NCALD: variants seen among roughly 807,000 people sequenced by gnomAD.
The protein encoded by NCALD is neurocalcin delta, also known as neurocalcin-delta.
In NCALD, 10 loss-of-function variants were observed where a neutral mutation model predicts 18.6. That is an observed-to-expected ratio of 0.54 (90% CI 0.33 to 0.91). The LOEUF (loss-of-function observed/expected upper bound fraction) is 0.91, where lower values mean the gene tolerates loss of function less well. Among genes scored for constraint, NCALD ranks in the 40% least tolerant of loss-of-function variants. NCALD has a pLI of 0.03. For synonymous variants in NCALD, 88 were observed against 87.4 expected, an observed-to-expected ratio of 1.01 and a Z score of -0.04; for missense variants, 184 against 247.6, an observed-to-expected ratio of 0.74 and a Z score of 1.72.
intron 4 of NCALD, among the ~76,000 whole-genome samples, chr8:101,837,978 AC>A (rs1377760286): frequency 6.6e-6 from 1 of 152,114 alleles, no homozygotes; most frequent in Non-Finnish European, 1.5e-5. Context: ...TATCTTATAT[AC>A]CCCTACTCCC....
intron 1 of NCALD, among the ~76,000 whole-genome samples, chr8:102,057,981 C>T (rs1823713736): frequency 6.6e-6 from 1 of 152,142 alleles, no homozygotes. Flanking sequence ...AGAAAGTATT[C>T]AATAAATATC....
upstream of NCALD, among the ~76,000 whole-genome samples, chr8:101,791,289 C>T (rs1398393070): frequency 1.3e-5 from 2 of 152,006 alleles, no homozygotes; most frequent in African/African-American, 4.8e-5. Flanking sequence ...TATATGCCAC[C>T]CTGAAGTTCT....
chr8:101,896,174 T>C (rs1010170111), intron 3 of NCALD, among the ~76,000 whole-genome samples: 2 of 151,598 alleles, frequency 1.3e-5, no homozygotes, highest in Non-Finnish European at 2.9e-5. Context: ...GAGATATAGA[T>C]CAATGGAACA....
intron 3 of NCALD, 88 bp downstream of exon 3, chr8:101,692,703 G>C: frequency 6.9e-7 from 1 of 1,444,680 alleles, no homozygotes; most frequent in Non-Finnish European, 9.5e-7. Flanking sequence ...TCACATTGAA[G>C]GGCCTCGAGT....
chr8:102,100,422 T>C (rs1268493244), intron 1 of NCALD, among the ~76,000 whole-genome samples: 1 of 152,214 alleles, frequency 6.6e-6, no homozygotes, highest in Non-Finnish European at 1.5e-5. Context: ...TGAGATGTCT[T>C]TTTCAATGTT....
chr8:101,883,384 A>G (rs1586688488), intron 4 of NCALD, among the ~76,000 whole-genome samples: 1 of 152,208 alleles, frequency 6.6e-6, no homozygotes, highest in East Asian at 1.9e-4. Context: ...TAGACTCTGA[A>G]ATGCTCTTCC....
chr8:102,014,297 C>A (rs188172124), intron 2 of NCALD, among the ~76,000 whole-genome samples: 62 of 152,270 alleles, frequency 4.1e-4, no homozygotes, highest in African/African-American at 1.4e-3. Flanking sequence ...CCTGCTATGT[C>A]CTCACATGAT....
At chr8:101,847,426 G>A in intron 4 of NCALD, 1 of 170,794 alleles carries the variant, frequency 5.9e-6, no homozygotes, top group Non-Finnish European at 1.3e-5. Flanking sequence ...CTTCCATCTT[G>A]AGACAACAGT....
At chr8:101,770,718 C>A (rs1349472589) in intron 1 of NCALD, among the ~76,000 whole-genome samples, 1 of 152,340 alleles carries the variant, frequency 6.6e-6, no homozygotes, top group African/African-American at 2.4e-5. Flanking sequence ...AGGGCAGAGA[C>A]AGCCACAGTC....
chr8:101,764,048 A>G (rs1462160977), intron 1 of NCALD, among the ~76,000 whole-genome samples: 1 of 151,544 alleles, frequency 6.6e-6, no homozygotes. Context: ...GAGAACCTTA[A>G]ATAATGCACT....
chr8:101,973,415 G>C (rs564517118), intron 2 of NCALD, among the ~76,000 whole-genome samples: 1 of 152,128 alleles, frequency 6.6e-6, no homozygotes, highest in Non-Finnish European at 1.5e-5. Flanking sequence ...GAGGTTAGGG[G>C]TTTGAATGAA....
chr8:102,092,675 T>G (rs1024672391), intron 1 of NCALD, among the ~76,000 whole-genome samples: 1 of 152,218 alleles, frequency 6.6e-6, no homozygotes, highest in African/African-American at 2.4e-5. Flanking sequence ...CTTCCCTTTG[T>G]ACTATTCCTT....
intron 1 of NCALD, among the ~76,000 whole-genome samples, chr8:101,724,131 T>G (rs1816475983): frequency 1.3e-5 from 2 of 152,252 alleles, no homozygotes; most frequent in Admixed American, 6.5e-5. Flanking sequence ...TGTTGTTCTC[T>G]GCTCACACTT....
intron 1 of NCALD, among the ~76,000 whole-genome samples, chr8:101,785,367 T>C (rs1812183171): frequency 6.6e-6 from 1 of 152,156 alleles, no homozygotes; most frequent in Non-Finnish European, 1.5e-5. Flanking sequence ...CTATGCCAAG[T>C]AAATTGACTC....
At chr8:102,005,386 G>A (rs1239419002) in intron 2 of NCALD, among the ~76,000 whole-genome samples, 5 of 152,216 alleles carry the variant, frequency 3.3e-5, no homozygotes, top group Non-Finnish European at 7.3e-5. Context: ...AACAGGTGCT[G>A]GAGAGGATGT....
At chr8:101,850,029 T>C (rs1358621173) in intron 4 of NCALD, among the ~76,000 whole-genome samples, 1 of 152,220 alleles carries the variant, frequency 6.6e-6, no homozygotes, top group African/African-American at 2.4e-5. Context: ...CATTCCCTTG[T>C]CACATCTGAA....
At chr8:102,096,230 A>G (rs496936) in intron 1 of NCALD, among the ~76,000 whole-genome samples, 97,079 of 152,062 alleles carry the variant, frequency 0.64, 31,120 homozygotes, top group Middle Eastern at 0.67. Flanking sequence ...GGCTTCTCAC[A>G]ACCACAGGGT....
At chr8:102,045,849 C>A (rs1245698251) in intron 1 of NCALD, among the ~76,000 whole-genome samples, 2 of 152,294 alleles carry the variant, frequency 1.3e-5, no homozygotes, top group African/African-American at 4.8e-5. Context: ...TGCCACCCAC[C>A]ATTTAAACAA....
intron 2 of NCALD, among the ~76,000 whole-genome samples, chr8:101,920,194 C>T (rs968527740): frequency 5.3e-5 from 8 of 152,026 alleles, no homozygotes; most frequent in African/African-American, 1.9e-4. Flanking sequence ...GAGGTCCAGG[C>T]TATAGTGAGA....
Sources: allele counts gnomAD v4.1 joint callset (sites outside exome capture counted in the v4.1 genomes callset), GRCh38; gene constraint gnomAD v4.1.1; transcripts MANE v1.5; gene names NCBI Gene and HGNC (gene_info 2026-07-23, HGNC 2026-07-21).